TGFBR3: variants seen among roughly 807,000 people sequenced by gnomAD.
TGFBR3 encodes the protein transforming growth factor beta receptor type 3.
Under a neutral mutation model 87.9 loss-of-function variants are expected in TGFBR3, and 46 were observed. The observed-to-expected ratio is 0.52, with a 90% CI of 0.41 to 0.67. TGFBR3 has a LOEUF of 0.67. Among genes scored for constraint, TGFBR3 ranks in the 30% least tolerant of loss-of-function variants. The pLI is 0.00. For synonymous variants in TGFBR3, 381 were observed against 391.6 expected, an observed-to-expected ratio of 0.97 and a Z score of 0.32; for missense variants, 866 against 1,041.9, an observed-to-expected ratio of 0.83 and a Z score of 2.32.
rs886684065 is a variant in TGFBR3 at position 91,802,749 on chromosome 1, C to T, written c.62-5278G>A. Among the ~76,000 whole-genome samples the T allele has an allele frequency of 2.6e-5, 4 of 152,270 alleles. No homozygotes were observed. In the East Asian group the frequency reaches 7.8e-4, roughly 30 times the overall value. On this transcript the variant is annotated intron_variant, in intron 2 of 16. Coordinates refer to ENST00000212355, the MANE Select transcript of TGFBR3 (RefSeq NM_003243.5). ...CTCATGGACACCCAATCTCAACATG[C>T]AGAACTCAGGATCTTTACCCCTCGT...
Position 91,680,817 on chromosome 1 carries a change from A to C in TGFBR3, c.*2922T>G. ...TCACAATCATGCCCACTAAGAACAC[A>C]AGCAGGAAATGGATTTACAATCTTA... On this transcript the variant is annotated 3_prime_UTR_variant, in exon 17 of 17. Transcript: ENST00000212355. 1 of 452,380 alleles carries C rather than the reference A, an allele frequency of 2.2e-6. No homozygotes were observed. Among genetic ancestry groups the C allele is most frequent in the South Asian group, 1.6e-5 (1 of 64,114 alleles). The allele number at this position is 452,380 out of a possible 1,614,324, so 28.0% of individuals were successfully genotyped here.
chr1:91,897,861 A>G (rs1384720132), intron 2 of TGFBR3, among the ~76,000 whole-genome samples: 2 of 152,100 alleles, frequency 1.3e-5, no homozygotes, highest in African/African-American at 2.4e-5. Context: ...CATTGTTAAC[A>G]TTTTGACAAA....
chr1:91,840,711 A>C (rs1166586368), intron 2 of TGFBR3, among the ~76,000 whole-genome samples: 3 of 152,196 alleles, frequency 2.0e-5, no homozygotes, highest in African/African-American at 7.2e-5. Context: ...ATGGTAATGG[A>C]TGTAAGTTTT....
intron 3 of TGFBR3, among the ~76,000 whole-genome samples, chr1:91,780,480 T>G (rs1333760718): frequency 6.6e-6 from 1 of 151,342 alleles, no homozygotes; most frequent in Non-Finnish European, 1.5e-5. Context: ...AAATGGGGCA[T>G]ATTTATGAGA....
At chr1:91,892,665 G>A (rs898469203) in intron 2 of TGFBR3, among the ~76,000 whole-genome samples, 1 of 152,138 alleles carries the variant, frequency 6.6e-6, no homozygotes, top group African/African-American at 2.4e-5. Flanking sequence ...ACAGAAATTA[G>A]TGAGGGCACC....
Position 91,683,263 on chromosome 1 carries a change from C to T in TGFBR3, c.*476G>A. 2.2e-6 allele frequency: 1 copy of T among 455,356 alleles called. No individual in the cohort carries two copies. The highest frequency in any genetic ancestry group is 4.4e-6 in the Non-Finnish European group (1 of 227,418). The allele number at this position is 455,356 out of a possible 1,614,324, so 28.2% of individuals were successfully genotyped here. A position where few individuals can be genotyped will look rare whatever the true frequency, so the allele number is the denominator to read the frequency against. ...TAGACAGGAGGATCGCTTAGAAAGC[C>T]TCAAAGCATTTCTTGTTTTACATCT... is the stretch of plus-strand genomic sequence containing the variant. On this transcript the variant is annotated 3_prime_UTR_variant, in exon 17 of 17. Transcript: ENST00000212355.
At chr1:91,854,465 C>A (rs964788084) in intron 2 of TGFBR3, among the ~76,000 whole-genome samples, 1 of 152,146 alleles carries the variant, frequency 6.6e-6, no homozygotes, top group Non-Finnish European at 1.5e-5. Flanking sequence ...ACCCCCAGTG[C>A]CCAGCTTGGA....
intron 2 of TGFBR3, among the ~76,000 whole-genome samples, chr1:91,835,747 G>A (rs536736177): frequency 1.4e-5 from 2 of 144,084 alleles, no homozygotes; most frequent in Non-Finnish European, 3.0e-5. Flanking sequence ...ACAATGACGT[G>A]AACCCGGAAG....
chr1:91,836,772 A>G (rs960554034), intron 2 of TGFBR3, among the ~76,000 whole-genome samples: 1 of 152,320 alleles, frequency 6.6e-6, no homozygotes. Flanking sequence ...ACACTGGAAG[A>G]ATCTGGCTCA....
intron 2 of TGFBR3, among the ~76,000 whole-genome samples, chr1:91,829,596 A>G (rs2101082103): frequency 6.6e-6 from 1 of 152,262 alleles, no homozygotes; most frequent in East Asian, 1.9e-4. Context: ...TGAGATTCAA[A>G]GTGTGCTCCA....
intron 3 of TGFBR3, among the ~76,000 whole-genome samples, chr1:91,792,198 A>C (rs1293152095): frequency 6.6e-6 from 1 of 152,174 alleles, no homozygotes; most frequent in East Asian, 1.9e-4. Flanking sequence ...CGCAAGCTGC[A>C]CCCTTCTTTT....
intron 15 of TGFBR3, among the ~76,000 whole-genome samples, chr1:91,696,001 T>A (rs552433016): frequency 6.6e-6 from 1 of 152,364 alleles, no homozygotes; most frequent in African/African-American, 2.4e-5. Flanking sequence ...CAGTTTGCAA[T>A]TTATTTTGAT....
At chr1:91,702,722 G>T (rs1671664827) in intron 14 of TGFBR3, among the ~76,000 whole-genome samples, 1 of 151,828 alleles carries the variant, frequency 6.6e-6, no homozygotes, top group South Asian at 2.1e-4. Context: ...GTATATATTT[G>T]AAATTTTTCA....
chr1:91,758,871 G>A (rs1342120824), intron 3 of TGFBR3, 121 bp from the exon 4 acceptor site: 1 of 1,216,414 alleles, frequency 8.2e-7, no homozygotes, highest in Non-Finnish European at 1.2e-6. Flanking sequence ...CTATAATGTA[G>A]CTCAGATTCT....
chr1:91,717,912 C>T (rs982752901), intron 10 of TGFBR3, among the ~76,000 whole-genome samples: 3 of 150,164 alleles, frequency 2.0e-5, no homozygotes, highest in Non-Finnish European at 4.4e-5. Flanking sequence ...AGACATATTA[C>T]TGTAGCCACT....
At chr1:91,807,070 C>T (rs369632737) in intron 2 of TGFBR3, among the ~76,000 whole-genome samples, 3 of 152,330 alleles carry the variant, frequency 2.0e-5, no homozygotes, top group African/African-American at 4.8e-5. Flanking sequence ...CACAAACACG[C>T]CTGACGTGTA....
At chr1:91,796,042 C>A (rs1199104350) in intron 3 of TGFBR3, among the ~76,000 whole-genome samples, 2 of 152,126 alleles carry the variant, frequency 1.3e-5, no homozygotes, top group African/African-American at 4.8e-5. Flanking sequence ...CTTTCTTGAC[C>A]AGAAGAAAGC....
At chr1:91,763,073 G>A (rs552607831) in intron 3 of TGFBR3, among the ~76,000 whole-genome samples, 3 of 152,248 alleles carry the variant, frequency 2.0e-5, no homozygotes, top group African/African-American at 7.2e-5. Context: ...ACTATCTATT[G>A]TCTCAAACTC....
intron 1 of TGFBR3, among the ~76,000 whole-genome samples, chr1:91,873,792 C>CA (rs928656421): frequency 4.0e-5 from 6 of 151,520 alleles, no homozygotes; most frequent in Non-Finnish European, 7.4e-5. Context: ...ACCAAAAATA[C>CA]AAAAAAAATT....
Sources: gnomAD v4.1 joint callset for allele counts (sites outside exome capture counted in the v4.1 genomes callset) on GRCh38, gnomAD v4.1.1 for gene constraint, MANE v1.5 for transcripts, NCBI Gene and HGNC (gene_info 2026-07-23, HGNC 2026-07-21) for gene names.